The following SUPT3H variants were observed in gnomAD, a reference collection of about 807,000 sequenced individuals.
The protein encoded by SUPT3H is SPT3 homolog, SAGA and STAGA complex component.
A neutral mutation model predicts 44.3 loss-of-function variants in SUPT3H; 44 were observed. The ratio of observed to expected loss-of-function variants is 0.99; its 90% CI spans 0.78 to 1.28. SUPT3H has a LOEUF of 1.28. Ranked by LOEUF, SUPT3H falls within the 50% of genes most tolerant of loss-of-function variation. SUPT3H has a pLI of 0.00. For missense variants in SUPT3H, 380 were observed against 387.1 expected, an observed-to-expected ratio of 0.98 and a Z score of 0.15; for synonymous variants, 124 against 125.6, an observed-to-expected ratio of 0.99 and a Z score of 0.09.
intron 5 of SUPT3H, among the ~76,000 whole-genome samples, chr6:45,006,585 A>G (rs533337488): frequency 1.3e-3 from 198 of 152,212 alleles, no homozygotes; most frequent in South Asian, 3.1e-3. Context: ...TAAGATATCA[A>G]TTATACTCCT....
chr6:45,142,720 G>C (rs1298351041), intron 2 of SUPT3H, among the ~76,000 whole-genome samples: 1 of 84,462 alleles, frequency 1.2e-5, no homozygotes, highest in Non-Finnish European at 2.1e-5. Flanking sequence ...TGGGCAAGAA[G>C]AGCTAAACTC....
rs70993493 is a variant in SUPT3H, at chr6:45,077,626, CAAA to C, written c.186+28293_186+28295del. On this transcript the variant is annotated intron_variant, in intron 3 of 10. Transcript: ENST00000371459. Reference sequence around the variant, plus strand: ...TAGGTGACAGAGTGAGACCTTGTTTCAAAAAAAAAAAAAAAAGAAAAGAAAAAA... The same window carrying C: ...TAGGTGACAGAGTGAGACCTTGTTTCAAAAAAAAAAAAAGAAAAGAAAAAA... 2.4e-4 allele frequency among the ~76,000 whole-genome samples: 8 copies of C among 34,028 alleles called. No individual in the cohort carries two copies. In the Admixed American group the frequency reaches 2.7e-3, roughly 11 times the overall value. The allele number at this position is 34,028 out of a possible 152,430, so 22.3% of individuals were successfully genotyped here.
At chr6:45,166,623 A>T (rs898260947) in intron 2 of SUPT3H, among the ~76,000 whole-genome samples, 24 of 151,092 alleles carry the variant, frequency 1.6e-4, no homozygotes, top group African/African-American at 5.6e-4. Flanking sequence ...AAAAGGAGGG[A>T]GAAAAAGTAG....
intron 2 of SUPT3H, among the ~76,000 whole-genome samples, chr6:45,271,812 C>A (rs1271081947): frequency 6.6e-6 from 1 of 152,168 alleles, no homozygotes; most frequent in East Asian, 1.9e-4. Context: ...CCCATGAAAG[C>A]AGCTGGGAGG....
At chr6:45,373,510 CAAA>C (rs1017667923) in intron 1 of SUPT3H, among the ~76,000 whole-genome samples, 1 of 151,938 alleles carries the variant, frequency 6.6e-6, no homozygotes, top group African/African-American at 2.4e-5. Flanking sequence ...GTGACCAGAT[CAAA>C]AAAGCACCAT....
intron 1 of SUPT3H, among the ~76,000 whole-genome samples, chr6:45,372,252 C>T (rs1048749738): frequency 2.0e-5 from 3 of 152,218 alleles, no homozygotes; most frequent in Admixed American, 6.5e-5. Flanking sequence ...ATTAAAATTA[C>T]TTCTCTTATA....
intron 2 of SUPT3H, among the ~76,000 whole-genome samples, chr6:45,111,503 A>G (rs1374134094): frequency 6.6e-6 from 1 of 151,900 alleles, no homozygotes; most frequent in African/African-American, 2.4e-5. Context: ...TAGTACTAGA[A>G]GGTCATGGCA....
chr6:45,274,329 T>C (rs1776676892), intron 2 of SUPT3H, among the ~76,000 whole-genome samples: 1 of 152,246 alleles, frequency 6.6e-6, no homozygotes. Flanking sequence ...TGTTAGCTTG[T>C]TATATCTAAG....
chr6:45,098,755 A>G, intron 3 of SUPT3H: 1 of 475,230 alleles, frequency 2.1e-6, no homozygotes, highest in Non-Finnish European at 4.2e-6. Context: ...GATCTAAGAC[A>G]TCATCACTAC....
At chr6:44,997,359 ATTTC>A (rs1562226450) in intron 6 of SUPT3H, among the ~76,000 whole-genome samples, 1 of 151,642 alleles carries the variant, frequency 6.6e-6, no homozygotes, top group Non-Finnish European at 1.5e-5. Flanking sequence ...TGAGTTACAT[ATTTC>A]TTTTACATTT....
At position 45,147,492 on chromosome 6, in the gene SUPT3H, C is replaced by T. The variant is rs1015657941; in HGVS notation, c.102-41486G>A. 3.3e-5 allele frequency among the ~76,000 whole-genome samples: 5 copies of T among 151,958 alleles called. No individual in the cohort carries two copies. The East Asian group carries it at 5.8e-4, about 18-fold the overall frequency. ...TGAACACAAAGAACTTAGACTTCAG[C>T]GAGGCCATAAATGTGAAAAATATTA... On this transcript the variant is annotated intron_variant, in intron 2 of 10. Coordinates refer to ENST00000371459, the MANE Select transcript of SUPT3H (RefSeq NM_003599.4).
At chr6:44,818,158 T>C (rs1767030149) in intron 11 of SUPT3H, among the ~76,000 whole-genome samples, 1 of 152,112 alleles carries the variant, frequency 6.6e-6, no homozygotes, top group Admixed American at 6.5e-5. Context: ...ATTTATATGG[T>C]CAATTAATTT....
intron 2 of SUPT3H, among the ~76,000 whole-genome samples, chr6:45,274,223 C>A (rs1197753688): frequency 6.6e-6 from 1 of 152,166 alleles, no homozygotes; most frequent in Non-Finnish European, 1.5e-5. Context: ...CAGAAATTTT[C>A]TCCCATTGAG....
At chr6:44,859,898 G>C (rs946094429) in intron 10 of SUPT3H, among the ~76,000 whole-genome samples, 1 of 151,904 alleles carries the variant, frequency 6.6e-6, no homozygotes, top group African/African-American at 2.4e-5. Flanking sequence ...CAAAGTAATA[G>C]GGCTTGATTT....
intron 2 of SUPT3H, among the ~76,000 whole-genome samples, chr6:45,108,423 C>T (rs758241288): frequency 2.0e-5 from 3 of 152,152 alleles, no homozygotes; most frequent in Non-Finnish European, 4.4e-5. Flanking sequence ...TGTGTGCATG[C>T]ATGTGCATGT....
At chr6:45,279,555 G>C (rs1777598703) in intron 2 of SUPT3H, among the ~76,000 whole-genome samples, 1 of 152,040 alleles carries the variant, frequency 6.6e-6, no homozygotes, top group South Asian at 2.1e-4. Flanking sequence ...AATTGCTCCT[G>C]CTCCTGCTAT....
chr6:44,810,120 C>T (rs1421266362), intron 11 of SUPT3H, among the ~76,000 whole-genome samples: 2 of 152,156 alleles, frequency 1.3e-5, no homozygotes, highest in Non-Finnish European at 2.9e-5. Flanking sequence ...ATCTAAATGC[C>T]TGACTCCAGA....
At position 45,240,761 on chromosome 6, in the gene SUPT3H, A is replaced by G. The variant is rs1056815232; in HGVS notation, c.101+124440T>C. 5.3e-5 allele frequency among the ~76,000 whole-genome samples: 8 copies of G among 152,254 alleles called. No homozygotes were observed. In the East Asian group the frequency reaches 1.5e-3, roughly 29 times the overall value. On this transcript the variant is annotated intron_variant, in intron 2 of 10. Transcript: ENST00000371459. Reference sequence around the variant, plus strand: ...ACAGTAAAAAATACGGCAAGTTCCTATTATTTGGAAACATGGTGGTATAGA... The same window carrying G: ...ACAGTAAAAAATACGGCAAGTTCCTGTTATTTGGAAACATGGTGGTATAGA...
chr6:44,910,299 C>A lies in SUPT3H; in HGVS notation c.912+22354G>T, dbSNP rs535793342. Among the ~76,000 whole-genome samples, 4 of 152,328 alleles carry A rather than the reference C, an allele frequency of 2.6e-5. No individual in the cohort carries two copies. In the East Asian group the frequency reaches 7.7e-4, roughly 29 times the overall value. On this transcript the variant is annotated intron_variant, in intron 10 of 10. Coordinates refer to ENST00000371459, the MANE Select transcript of SUPT3H (RefSeq NM_003599.4). ...GATCCTTACATGTCATGCCTTCATT[C>A]CCAGTCTCTTATCTTCTCCCAAGGT...
Sources: gnomAD v4.1 joint callset for allele counts (sites outside exome capture counted in the v4.1 genomes callset) on GRCh38, gnomAD v4.1.1 for gene constraint, MANE v1.5 for transcripts, NCBI Gene and HGNC (gene_info 2026-07-23, HGNC 2026-07-21) for gene names.